The following FGD4 variants were observed in gnomAD, a reference collection of about 807,000 sequenced individuals.
The protein encoded by FGD4 is FYVE, RhoGEF and PH domain containing 4, also known as FYVE, RhoGEF and PH domain-containing protein 4.
A neutral mutation model predicts 102.0 loss-of-function variants in FGD4; 42 were observed. That is an observed-to-expected ratio of 0.41 (90% CI 0.32 to 0.53). The LOEUF is 0.53. Among genes scored for constraint, FGD4 ranks in the 20% least tolerant of loss-of-function variants. The probability of loss-of-function intolerance (pLI) is 0.21; values close to 1 mark genes in which losing one functional copy is unlikely to be tolerated. For missense variants in FGD4, 902 were observed against 1,078.2 expected (o/e 0.84, Z 2.29); for synonymous variants, 380 against 375.7 (o/e 1.01, Z -0.13).
intron 11 of FGD4, among the ~76,000 whole-genome samples, chr12:32,622,248 A>C (rs1949887647): frequency 6.6e-6 from 1 of 152,192 alleles, no homozygotes. Context: ...GCTAACTCTG[A>C]AACTTCAGCA....
chr12:32,609,285 C>T (rs1405063359), intron 8 of FGD4, among the ~76,000 whole-genome samples: 1 of 152,166 alleles, frequency 6.6e-6, no homozygotes, highest in Non-Finnish European at 1.5e-5. Flanking sequence ...AGGATGAACT[C>T]GGCTTGCCAT....
intron 1 of FGD4, among the ~76,000 whole-genome samples, chr12:32,522,209 A>T (rs555686912): frequency 4.6e-5 from 7 of 152,124 alleles, no homozygotes; most frequent in African/African-American, 1.7e-4. Context: ...TACTTCTGAG[A>T]TTGTATTAAA....
At chr12:32,483,646 G>C (rs1943820075) in intron 1 of FGD4, among the ~76,000 whole-genome samples, 1 of 152,196 alleles carries the variant, frequency 6.6e-6, no homozygotes, top group Non-Finnish European at 1.5e-5. Context: ...CATATGGTCA[G>C]TTTGAAGTTT....
At chr12:32,618,466 C>T (rs1017088107) in intron 10 of FGD4, among the ~76,000 whole-genome samples, 6 of 151,532 alleles carry the variant, frequency 4.0e-5, no homozygotes, top group African/African-American at 9.7e-5. Flanking sequence ...CTTTTTTTCA[C>T]GTGTTCTAAT....
intron 12 of FGD4, 196 bp downstream of exon 12, chr12:32,624,648 G>A (rs764535353): frequency 1.5e-6 from 1 of 672,094 alleles, no homozygotes; most frequent in Non-Finnish European, 2.7e-6. Flanking sequence ...TTTTTTTTTT[G>A]TATTTCGTAG....
chr12:32,487,997 T>G (rs895532326), intron 1 of FGD4, among the ~76,000 whole-genome samples: 1 of 152,230 alleles, frequency 6.6e-6, no homozygotes, highest in African/African-American at 2.4e-5. Context: ...CAGGTTCTTC[T>G]ATGTTCCAAG....
chr12:32,564,098 C>T, intron 1 of FGD4, 39 bp from the exon 2 acceptor site: 6 of 1,524,740 alleles, frequency 3.9e-6, no homozygotes, highest in Non-Finnish European at 5.3e-6. Flanking sequence ...TGTGATATGC[C>T]TCCATACTTA....
chr12:32,575,348 A>G (rs2136367185), intron 2 of FGD4, among the ~76,000 whole-genome samples: 1 of 152,296 alleles, frequency 6.6e-6, no homozygotes, highest in Non-Finnish European at 1.5e-5. Context: ...GCAGAAGATA[A>G]AGGGTAGCTG....
chr12:32,457,700 C>G (rs1271337809), intron 1 of FGD4, among the ~76,000 whole-genome samples: 1 of 152,076 alleles, frequency 6.6e-6, no homozygotes, highest in Non-Finnish European at 1.5e-5. Context: ...TTACTGGACT[C>G]TTACTAAAAT....
At chr12:32,429,982 G>A (rs1941994114) in intron 1 of FGD4, among the ~76,000 whole-genome samples, 1 of 151,756 alleles carries the variant, frequency 6.6e-6, no homozygotes, top group Non-Finnish European at 1.5e-5. Context: ...AAAAAAAAAG[G>A]ACATTTTCAA....
chr12:32,489,746 A>C (rs1021113947), intron 1 of FGD4, among the ~76,000 whole-genome samples: 14 of 152,192 alleles, frequency 9.2e-5, no homozygotes, highest in Admixed American at 3.9e-4. Flanking sequence ...CTTGTAAGAT[A>C]GGTGATATGA....
chr12:32,456,584 G>A (rs922667659), intron 1 of FGD4, among the ~76,000 whole-genome samples: 1 of 152,124 alleles, frequency 6.6e-6, no homozygotes, highest in African/African-American at 2.4e-5. Context: ...TTATTAATGA[G>A]ATTGATGCTG....
intron 1 of FGD4, among the ~76,000 whole-genome samples, chr12:32,451,282 A>AGCTC (rs1266709455): frequency 6.6e-6 from 1 of 152,230 alleles, no homozygotes; most frequent in African/African-American, 2.4e-5. Context: ...ATTATTAGAC[A>AGCTC]GCTCGTGATA....
chr12:32,606,686 T>A (rs764434547), intron 7 of FGD4, among the ~76,000 whole-genome samples: 41 of 152,238 alleles, frequency 2.7e-4, no homozygotes, highest in Non-Finnish European at 5.6e-4. Flanking sequence ...TGTCTTAATA[T>A]AGCTTTGATG....
chr12:32,582,471 G>A lies in FGD4; in HGVS notation c.1011+4G>A. 1 of 1,608,608 alleles carries A rather than the reference G, an allele frequency of 6.2e-7. No individual in the cohort carries two copies. Among genetic ancestry groups the A allele is most frequent in the Non-Finnish European group, 8.5e-7 (1 of 1,179,990 alleles). On this transcript the variant is annotated splice_donor_region_variant and intron_variant, in intron 4 of 16. Transcript: ENST00000534526. ...GGACCAGCACCATGAGATGAAGGTAGAGCATGAGACTAGCTCATGAGCAGG... is the reference window on the plus strand; with the variant it reads ...GGACCAGCACCATGAGATGAAGGTAAAGCATGAGACTAGCTCATGAGCAGG...
intron 1 of FGD4, among the ~76,000 whole-genome samples, chr12:32,458,641 C>T (rs147795548): frequency 2.5e-4 from 38 of 152,226 alleles, no homozygotes; most frequent in African/African-American, 9.2e-4. Flanking sequence ...GCTCCATCGC[C>T]CATAACAATT....
chr12:32,512,340 G>A (rs1939462346), intron 1 of FGD4, among the ~76,000 whole-genome samples: 1 of 151,980 alleles, frequency 6.6e-6, no homozygotes, highest in Non-Finnish European at 1.5e-5. Flanking sequence ...CCAGCTACTT[G>A]GGAGACTGAG....
intron 1 of FGD4, among the ~76,000 whole-genome samples, chr12:32,514,727 G>A (rs984281465): frequency 6.6e-6 from 1 of 151,722 alleles, no homozygotes; most frequent in Non-Finnish European, 1.5e-5. Flanking sequence ...TATATTTTAC[G>A]TATTTATAAA....
chr12:32,426,562 G>A (rs1941843879), intron 1 of FGD4, among the ~76,000 whole-genome samples: 1 of 152,150 alleles, frequency 6.6e-6, no homozygotes, highest in Admixed American at 6.5e-5. Flanking sequence ...TTGGTGTCAG[G>A]ATGATGCTGG....
Sources: allele counts gnomAD v4.1 joint callset (sites outside exome capture counted in the v4.1 genomes callset), GRCh38; gene constraint gnomAD v4.1.1; transcripts MANE v1.5; gene names NCBI Gene and HGNC (gene_info 2026-07-23, HGNC 2026-07-21).